The following ADAMTS2 variants were observed in gnomAD, a reference collection of about 807,000 sequenced individuals.
ADAMTS2 encodes the protein ADAM metallopeptidase with thrombospondin type 1 motif 2, also known as A disintegrin and metalloproteinase with thrombospondin motifs 2.
Under a neutral mutation model 123.0 loss-of-function variants are expected in ADAMTS2, and 50 were observed. That is an observed-to-expected ratio of 0.41 (90% CI 0.32 to 0.51). The LOEUF (loss-of-function observed/expected upper bound fraction) is 0.51. Among genes scored for constraint, ADAMTS2 ranks in the 20% least tolerant of loss-of-function variants. The probability of loss-of-function intolerance (pLI) is 0.35; values close to 1 mark genes in which losing one functional copy is unlikely to be tolerated. For synonymous variants in ADAMTS2, 678 were observed against 695.4 expected (o/e 0.98, Z 0.39); for missense variants, 1,494 against 1,705.2 (o/e 0.88, Z 2.18).
rs1249729136 is a variant in ADAMTS2 at position 179,285,188 on chromosome 5, T to C, written c.535-12124A>G. 6.6e-6 allele frequency among the ~76,000 whole-genome samples: 1 copy of C among 152,076 alleles called. No individual in the cohort carries two copies. The highest frequency in any genetic ancestry group is 1.5e-5 in the Non-Finnish European group (1 of 68,014). On this transcript the variant is annotated intron_variant, in intron 2 of 21. Transcript: ENST00000251582. This position sits in a 1 kb window ranked among gnomAD's most constrained non-coding sequence, Gnocchi z 4.9. ...GGGTCAGCAGTGTTACGATCGGGGG[T>C]GAGTTTCACTTTTTATTAATATTTT...
At chr5:179,138,023 T>C (rs1312508370) in intron 11 of ADAMTS2, 79 bp from the exon 12 acceptor site, 23 of 1,473,596 alleles carry the variant, frequency 1.6e-5, no homozygotes, top group Non-Finnish European at 2.1e-5. Flanking sequence ...GAGATCTTTT[T>C]AGGGGGGATC....
chr5:179,159,272 C>T (rs945995533), intron 5 of ADAMTS2, among the ~76,000 whole-genome samples: 1 of 152,154 alleles, frequency 6.6e-6, no homozygotes, highest in Non-Finnish European at 1.5e-5. Flanking sequence ...GACCTCACCC[C>T]AAAGAGCTCA....
intron 3 of ADAMTS2, among the ~76,000 whole-genome samples, chr5:179,210,402 T>G (rs151090435): frequency 1.3e-5 from 2 of 152,374 alleles, no homozygotes; most frequent in East Asian, 3.9e-4. Flanking sequence ...GCAAGCCCAT[T>G]AAAAACAGCA....
intron 3 of ADAMTS2, among the ~76,000 whole-genome samples, chr5:179,247,994 TC>T (rs757533234): frequency 2.6e-5 from 4 of 152,320 alleles, no homozygotes; most frequent in Non-Finnish European, 4.4e-5. Context: ...TTCTCTTTTT[TC>T]CTATATGATT....
chr5:179,187,707 AGG>A (rs1764206265), intron 4 of ADAMTS2, among the ~76,000 whole-genome samples: 1 of 152,132 alleles, frequency 6.6e-6, no homozygotes, highest in Non-Finnish European at 1.5e-5. Context: ...GGGGAAGCCC[AGG>A]GACAATGTCC....
At chr5:179,179,229 G>A (rs1763995088) in intron 5 of ADAMTS2, among the ~76,000 whole-genome samples, 2 of 150,284 alleles carry the variant, frequency 1.3e-5, no homozygotes, top group African/African-American at 4.9e-5. Context: ...TTACAGGTGT[G>A]AGCGACCATG....
In ADAMTS2 at chr5:179,112,296, T is replaced by C. The variant is rs1762581164; in HGVS notation, c.*1571A>G. On this transcript the variant is annotated 3_prime_UTR_variant, in exon 22 of 22. Transcript: ENST00000251582. ...ACAGGAAAGGTTTAAGAATTATGTG[T>C]CAGGCTGAGCCCATCTAAGGAGCTG... The C allele has an allele frequency of 6.6e-6, 1 of 152,170 alleles. No individual in the cohort carries two copies. Among genetic ancestry groups the C allele is most frequent in the African/African-American group, 2.4e-5 (1 of 41,414 alleles). The allele number at this position is 152,170 out of a possible 1,614,324, so 9.4% of individuals were successfully genotyped here. A position where few individuals can be genotyped will look rare whatever the true frequency, so the allele number is the denominator to read the frequency against.
rs945362310 is a variant in ADAMTS2 at position 179,314,385 on chromosome 5, T to C, written c.534+29382A>G. Among the ~76,000 whole-genome samples the C allele has an allele frequency of 2.9e-4, 44 of 152,164 alleles. No homozygotes were observed. The highest frequency in any genetic ancestry group is 1.1e-3 in the African/African-American group (44 of 41,520). ...TGAGCTAAGTGAGCGCAGAGGAGAG[T>C]GCAGGGAGCGGCAAGGCCAGGCTCC... On this transcript the variant is annotated intron_variant, in intron 2 of 21. Coordinates refer to ENST00000251582, the MANE Select transcript of ADAMTS2 (RefSeq NM_014244.5). The surrounding 1 kb of genome is among the most constrained non-coding windows in gnomAD (Gnocchi z 4.5).
At chr5:179,329,044 A>C (rs1314510398) in intron 2 of ADAMTS2, among the ~76,000 whole-genome samples, 1 of 151,990 alleles carries the variant, frequency 6.6e-6, no homozygotes, top group Non-Finnish European at 1.5e-5. Context: ...AAAAACAGAA[A>C]AGGCCAGGCA....
intron 2 of ADAMTS2, among the ~76,000 whole-genome samples, chr5:179,327,893 AC>A (rs1376661062): frequency 6.6e-6 from 1 of 152,166 alleles, no homozygotes; most frequent in Admixed American, 6.5e-5. Context: ...GAGAATCCTC[AC>A]CCCCAAAAAC....
chr5:179,178,533 C>T (rs1763979572), intron 5 of ADAMTS2, among the ~76,000 whole-genome samples: 1 of 152,256 alleles, frequency 6.6e-6, no homozygotes, highest in Non-Finnish European at 1.5e-5. Flanking sequence ...GCCCTGCATG[C>T]TTTCCTTTCT....
chr5:179,235,175 T>G (rs1478030015), intron 3 of ADAMTS2, among the ~76,000 whole-genome samples: 1 of 152,208 alleles, frequency 6.6e-6, no homozygotes, highest in East Asian at 1.9e-4. Context: ...AAACCACTGA[T>G]CATGCAGAAG....
chr5:179,204,992 C>T (rs189773799), intron 4 of ADAMTS2, among the ~76,000 whole-genome samples: 14 of 152,332 alleles, frequency 9.2e-5, no homozygotes, highest in Admixed American at 1.3e-4. Flanking sequence ...TCTCCTAAAA[C>T]GGTTTCTCTG....
In ADAMTS2 at chr5:179,127,982, G is replaced by A. The variant is rs372549560; in HGVS notation, c.2594C>T (p.Pro865Leu). ...VYEWALKKWS[P>L]CSKPCGGGSQ... is the part of the protein sequence containing the mutation. The stretch of plus-strand genomic sequence containing the variant: ...ACCTCCGCCACAGGGCTTGGAGCAC[G>A]GAGACCACTTCTTCAGGGCCCACTC... Residue 865 changes from proline (P) to leucine (L), a missense_variant, in exon 17 of 22, where the codon CCG becomes CTG. This residue lies in a region of ADAMTS2 where 953 missense variants were observed against 1,124.7 expected (regional missense o/e 0.85). Coordinates refer to ENST00000251582, the MANE Select transcript of ADAMTS2 (RefSeq NM_014244.5). 30 of 1,613,794 alleles carry A rather than the reference G, an allele frequency of 1.9e-5. No individual in the cohort carries two copies. Among genetic ancestry groups the A allele is most frequent in the Middle Eastern group, 1.6e-4 (1 of 6,084 alleles).
chr5:179,213,746 A>G (rs1018454450), intron 3 of ADAMTS2, among the ~76,000 whole-genome samples: 4 of 152,256 alleles, frequency 2.6e-5, no homozygotes, highest in African/African-American at 9.6e-5. Flanking sequence ...TGGGGCAAAG[A>G]AACGTACCAT....
chr5:179,138,556 C>T (rs887562040), intron 11 of ADAMTS2, among the ~76,000 whole-genome samples: 12 of 152,260 alleles, frequency 7.9e-5, no homozygotes, highest in Non-Finnish European at 8.8e-5. Flanking sequence ...CACACTGCCT[C>T]TTGAGGTTCT....
intron 6 of ADAMTS2, among the ~76,000 whole-genome samples, chr5:179,157,653 C>A (rs1388806240): frequency 6.6e-6 from 1 of 151,962 alleles, no homozygotes; most frequent in South Asian, 2.1e-4. Context: ...CTACAGGCAT[C>A]CACCACCATG....
At chr5:179,288,053 C>A (rs1385834883) in intron 2 of ADAMTS2, among the ~76,000 whole-genome samples, 3 of 152,256 alleles carry the variant, frequency 2.0e-5, no homozygotes, top group Non-Finnish European at 2.9e-5. Flanking sequence ...TTGTGCAAAG[C>A]TGCCCAGATC....
rs1394677481 is a variant in ADAMTS2 at position 179,134,759 on chromosome 5, TCCAGCTCCCGGCTCCATCCC to T, written c.2085+1130_2085+1149del. Among the ~76,000 whole-genome samples the T allele has an allele frequency of 9.9e-3, 939 of 94,450 alleles. 82 individuals carry two copies. The highest frequency in any genetic ancestry group is 0.033 in the African/African-American group (785 of 23,492). The allele number at this position is 94,450 out of a possible 152,430, so 62.0% of individuals were successfully genotyped here. On this transcript the variant is annotated intron_variant, in intron 13 of 21. Coordinates refer to ENST00000251582, the MANE Select transcript of ADAMTS2 (RefSeq NM_014244.5). ...TCCAGCTCCAGCTCCCGGCTCCAGCTCCAGCTCCCGGCTCCATCCCCCAGCTCCCGGCTCCAGCCCCCAGC... is the reference window on the plus strand; with the variant it reads ...TCCAGCTCCAGCTCCCGGCTCCAGCTCCAGCTCCCGGCTCCAGCCCCCAGC...
Sources: gnomAD v4.1 joint callset for allele counts (sites outside exome capture counted in the v4.1 genomes callset) on GRCh38, gnomAD v4.1.1 for gene constraint, gnomAD v4.1.1 regional missense constraint, Gnocchi (gnomAD v3.1) non-coding constraint, MANE v1.5 for transcripts, NCBI Gene and HGNC (gene_info 2026-07-23, HGNC 2026-07-21) for gene names.